Variants in SCFD2 observed in about 807,000 individuals in gnomAD.
The protein encoded by SCFD2 is sec1 family domain-containing protein 2.
A neutral mutation model predicts 58.9 loss-of-function variants in SCFD2; 54 were observed. The observed-to-expected ratio is 0.92, with a 90% CI of 0.74 to 1.15. SCFD2 has a LOEUF of 1.15. SCFD2 is among the 50% of genes most tolerant of loss of function. SCFD2 has a pLI of 0.00. For missense variants in SCFD2, 805 were observed against 836.6 expected, an observed-to-expected ratio of 0.96 and a Z score of 0.47; for synonymous variants, 321 against 335.9, an observed-to-expected ratio of 0.96 and a Z score of 0.49.
At chr4:53,223,389 G>T (rs1430601788) in intron 4 of SCFD2, among the ~76,000 whole-genome samples, 1 of 152,148 alleles carries the variant, frequency 6.6e-6, no homozygotes, top group Non-Finnish European at 1.5e-5. Flanking sequence ...CAGTCACTAG[G>T]ACCTGTATAT....
At chr4:53,163,724 C>T (rs13141050) in intron 4 of SCFD2, among the ~76,000 whole-genome samples, 148,792 of 152,138 alleles carry the variant, frequency 0.98, 72,854 homozygotes, top group Middle Eastern at 1. Context: ...AGAAAGACTC[C>T]GTCTTGGCAG....
chr4:52,942,098 A>T (rs912441101), intron 5 of SCFD2, among the ~76,000 whole-genome samples: 2 of 152,170 alleles, frequency 1.3e-5, no homozygotes, highest in African/African-American at 4.8e-5. Context: ...GGTATACGAG[A>T]GGAAAGATTT....
Position 53,365,075 on chromosome 4 carries a change from A to T in SCFD2, c.838+29T>A. The T allele has an allele frequency of 6.3e-7, 1 of 1,594,660 alleles. No individual in the cohort carries two copies. On this transcript the variant is annotated intron_variant, in intron 1 of 8. Coordinates refer to ENST00000401642, the MANE Select transcript of SCFD2 (RefSeq NM_152540.4). This position sits in a 1 kb window ranked among gnomAD's most constrained non-coding sequence, Gnocchi z 4.3. ...AAGTCCCAGCAATGTGGGGAATGGT[A>T]ATGAAGAACTCCAGAGCAATGCACT...
chr4:53,000,222 G>T (rs192090799), intron 5 of SCFD2, among the ~76,000 whole-genome samples: 9 of 152,316 alleles, frequency 5.9e-5, no homozygotes, highest in Non-Finnish European at 1.2e-4. Context: ...GGCCAGAAAA[G>T]CCTCGTACCT....
chr4:53,149,177 C>G (rs1726431118), intron 4 of SCFD2, among the ~76,000 whole-genome samples: 1 of 152,150 alleles, frequency 6.6e-6, no homozygotes, highest in Non-Finnish European at 1.5e-5. Context: ...GTGGCCAGAT[C>G]TTAGTTTCTA....
intron 6 of SCFD2, among the ~76,000 whole-genome samples, chr4:52,914,405 C>T (rs1268197028): frequency 6.6e-6 from 1 of 152,202 alleles, no homozygotes; most frequent in Non-Finnish European, 1.5e-5. Flanking sequence ...CTGGTGTATT[C>T]ATCCCATGTG....
chr4:53,296,668 G>C (rs753391426), intron 3 of SCFD2, among the ~76,000 whole-genome samples: 1 of 151,970 alleles, frequency 6.6e-6, no homozygotes, highest in East Asian at 1.9e-4. Flanking sequence ...GTTATTTCTT[G>C]CCTTCTGCTA....
chr4:53,103,897 TAAA>T (rs34101811), intron 5 of SCFD2, among the ~76,000 whole-genome samples: 3 of 74,370 alleles, frequency 4.0e-5, no homozygotes, highest in African/African-American at 1.0e-4. Context: ...CAATATGAGC[TAAA>T]AAAAAAAAAA....
intron 2 of SCFD2, among the ~76,000 whole-genome samples, chr4:53,346,147 G>A (rs1332097174): frequency 6.6e-6 from 1 of 151,902 alleles, no homozygotes; most frequent in Non-Finnish European, 1.5e-5. Flanking sequence ...ATTTATACAT[G>A]TTCATATGTA....
At chr4:53,184,366 CTTTCTG>C (rs983702225) in intron 4 of SCFD2, among the ~76,000 whole-genome samples, 2 of 152,024 alleles carry the variant, frequency 1.3e-5, no homozygotes, top group Non-Finnish European at 2.9e-5. Context: ...CCATCTGTTC[CTTTCTG>C]TTTCTATCTT....
At chr4:53,340,523 C>T (rs1271057497) in intron 2 of SCFD2, among the ~76,000 whole-genome samples, 1 of 152,222 alleles carries the variant, frequency 6.6e-6, no homozygotes, top group African/African-American at 2.4e-5. Flanking sequence ...CTGTAGACTC[C>T]ACCTCTGGGG....
rs1553882340 is a variant in SCFD2, at chr4:53,164,804, A to AAAAAAG, written c.1312-19223_1312-19222insCTTTTT. The stretch of plus-strand genomic sequence containing the variant: ...CTGGAGTCTCAAAAAAAAAAAAAAA[A>AAAAAAG]AAGAAGAAGAAGAAGAAGAAGAAGA... On this transcript the variant is annotated intron_variant, in intron 4 of 8. Transcript: ENST00000401642. 1.3e-3 allele frequency among the ~76,000 whole-genome samples: 183 copies of AAAAAAG among 143,904 alleles called. 1 individual carries two copies. Among genetic ancestry groups the AAAAAAG allele is most frequent in the African/African-American group, 3.2e-3 (115 of 36,418 alleles). The allele number at this position is 143,904 out of a possible 152,430, so 94.4% of individuals were successfully genotyped here.
chr4:52,995,234 G>A (rs535775202), intron 5 of SCFD2, among the ~76,000 whole-genome samples: 120 of 152,132 alleles, frequency 7.9e-4, no homozygotes, highest in Non-Finnish European at 1.1e-3. Flanking sequence ...AGATCATCAG[G>A]CATTAGATTC....
intron 1 of SCFD2, among the ~76,000 whole-genome samples, chr4:53,353,417 G>A (rs1478170752): frequency 6.6e-6 from 1 of 152,178 alleles, no homozygotes; most frequent in Non-Finnish European, 1.5e-5. Context: ...ATTGCAGAGA[G>A]CAAATGAACA....
intron 3 of SCFD2, among the ~76,000 whole-genome samples, chr4:53,292,969 T>C (rs1301272528): frequency 6.6e-6 from 1 of 152,278 alleles, no homozygotes; most frequent in Non-Finnish European, 1.5e-5. Flanking sequence ...CAAACCACCA[T>C]GGCACATGTA....
chr4:53,155,226 C>T (rs1358799791), intron 4 of SCFD2, among the ~76,000 whole-genome samples: 3 of 152,072 alleles, frequency 2.0e-5, no homozygotes, highest in African/African-American at 7.2e-5. Context: ...TTGTCCCCTC[C>T]AAAACTCAAG....
intron 4 of SCFD2, among the ~76,000 whole-genome samples, chr4:53,188,418 G>GGTGTGTGTGTGT (rs56120914): frequency 1.5e-4 from 21 of 143,562 alleles, no homozygotes; most frequent in East Asian, 6.3e-4. Context: ...CTTCAAAACT[G>GGTGTGTGTGTGT]GTGTGTGTGT....
chr4:53,096,055 T>A (rs1476976045), intron 5 of SCFD2, among the ~76,000 whole-genome samples: 1 of 152,166 alleles, frequency 6.6e-6, no homozygotes, highest in Non-Finnish European at 1.5e-5. Context: ...GAACTCATCA[T>A]TTTTTATGGC....
In SCFD2 at chr4:53,098,420, C is replaced by T. The variant is rs141106770; in HGVS notation, c.1561+46913G>A. ...CATGTTATTGGTCTATTCAGGAATT[C>T]AACTTCTTTGTGGTTTAGTCTTGGA... is the stretch of plus-strand genomic sequence containing the variant. On this transcript the variant is annotated intron_variant, in intron 5 of 8. Transcript: ENST00000401642. Among the ~76,000 whole-genome samples, 695 of 152,246 alleles carry T rather than the reference C, an allele frequency of 4.6e-3. 5 individuals are homozygous for T. The highest frequency in any genetic ancestry group is 4.1e-3 in the Non-Finnish European group (281 of 68,016).
Sources: gnomAD v4.1 joint callset for allele counts (sites outside exome capture counted in the v4.1 genomes callset) on GRCh38, gnomAD v4.1.1 for gene constraint, Gnocchi (gnomAD v3.1) non-coding constraint, MANE v1.5 for transcripts, NCBI Gene and HGNC (gene_info 2026-07-23, HGNC 2026-07-21) for gene names.